The following KCNMB2 variants were observed in gnomAD, a reference collection of about 807,000 sequenced individuals.
KCNMB2 encodes the protein potassium calcium-activated channel subfamily M regulatory beta subunit 2.
A neutral mutation model predicts 24.5 loss-of-function variants in KCNMB2; 9 were observed. The ratio of observed to expected loss-of-function variants is 0.37; its 90% confidence interval spans 0.22 to 0.64. The LOEUF (loss-of-function observed/expected upper bound fraction) is 0.64, where lower values mean the gene tolerates loss of function less well. Among genes scored for constraint, KCNMB2 ranks in the 30% least tolerant of loss-of-function variants. The probability of loss-of-function intolerance (pLI) is 0.63; values close to 1 mark genes in which losing one functional copy is unlikely to be tolerated. For missense variants in KCNMB2, 226 were observed against 284.3 expected, an observed-to-expected ratio of 0.79 and a Z score of 1.47; for synonymous variants, 109 against 104.4, an observed-to-expected ratio of 1.04 and a Z score of -0.27.
chr3:178,770,898 CTT>C (rs1159359036), intron 1 of KCNMB2, among the ~76,000 whole-genome samples: 7 of 152,118 alleles, frequency 4.6e-5, no homozygotes, highest in Non-Finnish European at 1.0e-4. Context: ...CTTTTTGACT[CTT>C]AGCTTTTATG....
rs536983233 is a variant in KCNMB2, at chr3:178,688,689, CT to C, written c.-67-118645del. ...CTAAAGATAGACTATCTAGTGTTTG[CT>C]TTTTTTTTAACCATTGAGTTTCTAG... On this transcript the variant is annotated intron_variant, in intron 1 of 4. Coordinates refer to ENST00000452583, the MANE Select transcript of KCNMB2 (RefSeq NM_181361.3). Among the ~76,000 whole-genome samples the C allele has an allele frequency of 1.1e-4, 16 of 151,090 alleles. No homozygotes were observed. In the South Asian group the frequency reaches 2.1e-3, roughly 20 times the overall value.
chr3:178,753,636 T>C (rs1422531672), intron 1 of KCNMB2, among the ~76,000 whole-genome samples: 2 of 152,128 alleles, frequency 1.3e-5, no homozygotes, highest in African/African-American at 2.4e-5. Flanking sequence ...GAAAATTAGA[T>C]GGAATATAGA....
At chr3:178,704,219 C>A (rs2108343816) in intron 1 of KCNMB2, among the ~76,000 whole-genome samples, 1 of 152,098 alleles carries the variant, frequency 6.6e-6, no homozygotes, top group South Asian at 2.1e-4. Context: ...CACTCCCAAA[C>A]AAACATTTTC....
At chr3:178,639,937 G>A (rs1001694533) in intron 1 of KCNMB2, among the ~76,000 whole-genome samples, 3 of 152,168 alleles carry the variant, frequency 2.0e-5, no homozygotes, top group African/African-American at 7.2e-5. Flanking sequence ...GTGTGAGCAT[G>A]TATTAACCTC....
intron 1 of KCNMB2, among the ~76,000 whole-genome samples, chr3:178,783,871 A>T (rs1450136324): frequency 6.6e-6 from 1 of 152,164 alleles, no homozygotes; most frequent in Non-Finnish European, 1.5e-5. Flanking sequence ...GTCTTGTGCC[A>T]GTTTTCAAAG....
chr3:178,675,474 G>C (rs1721040084), intron 1 of KCNMB2, among the ~76,000 whole-genome samples: 1 of 152,150 alleles, frequency 6.6e-6, no homozygotes, highest in Non-Finnish European at 1.5e-5. Context: ...TGTCAGAACT[G>C]CTGACACACC....
chr3:178,611,124 C>T (rs1263200532), intron 1 of KCNMB2, among the ~76,000 whole-genome samples: 3 of 152,140 alleles, frequency 2.0e-5, no homozygotes, highest in Non-Finnish European at 4.4e-5. Flanking sequence ...CTTTTCTTTA[C>T]TGGGAGACTT....
chr3:178,646,177 T>G (rs1318108953), intron 1 of KCNMB2, among the ~76,000 whole-genome samples: 2 of 152,160 alleles, frequency 1.3e-5, no homozygotes, highest in Non-Finnish European at 1.5e-5. Flanking sequence ...TGTCCCTGCC[T>G]AGATGATAGT....
intron 4 of KCNMB2, among the ~76,000 whole-genome samples, chr3:178,840,663 C>T (rs1202342873): frequency 6.6e-6 from 1 of 152,256 alleles, no homozygotes; most frequent in Non-Finnish European, 1.5e-5. Context: ...CTTGCACCCT[C>T]TGAAGCAATG....
chr3:178,753,570 A>G (rs961027420), intron 1 of KCNMB2, among the ~76,000 whole-genome samples: 8 of 152,126 alleles, frequency 5.3e-5, no homozygotes, highest in Non-Finnish European at 1.2e-4. Flanking sequence ...TAAAATGGCC[A>G]AGGGAGTTAT....
At chr3:178,718,390 C>G (rs1342275751) in intron 1 of KCNMB2, among the ~76,000 whole-genome samples, 2 of 152,172 alleles carry the variant, frequency 1.3e-5, no homozygotes, top group Non-Finnish European at 2.9e-5. Context: ...TGTATGTATG[C>G]ATGTGTCTAG....
At chr3:178,679,052 G>GTTT (rs1560162644) in intron 1 of KCNMB2, among the ~76,000 whole-genome samples, 1,566 of 81,136 alleles carry the variant, frequency 0.019, 24 homozygotes, top group African/African-American at 0.085. Flanking sequence ...TTTTTGTTTT[G>GTTT]TTTTTGTTTT....
intron 1 of KCNMB2, among the ~76,000 whole-genome samples, chr3:178,609,094 T>G (rs1221592787): frequency 6.6e-6 from 1 of 152,184 alleles, no homozygotes; most frequent in Non-Finnish European, 1.5e-5. Flanking sequence ...TTTTACTAAT[T>G]TACATTCCCA....
intron 1 of KCNMB2, among the ~76,000 whole-genome samples, chr3:178,733,378 G>A (rs1362343045): frequency 6.6e-6 from 1 of 152,168 alleles, no homozygotes. Flanking sequence ...GGACATCATA[G>A]GCCTTTGTAA....
chr3:178,540,891 A>T (rs1233690662), intron 1 of KCNMB2, among the ~76,000 whole-genome samples: 1 of 152,198 alleles, frequency 6.6e-6, no homozygotes, highest in African/African-American at 2.4e-5. Context: ...TGAAAGCAGG[A>T]ATTTTTATTT....
intron 1 of KCNMB2, among the ~76,000 whole-genome samples, chr3:178,603,849 G>A (rs1718181350): frequency 6.6e-6 from 1 of 152,090 alleles, no homozygotes; most frequent in African/African-American, 2.4e-5. Flanking sequence ...TCATGTCTAG[G>A]GGAAAGCAAC....
chr3:178,757,018 C>T (rs899116136), intron 1 of KCNMB2: 22 of 151,552 alleles, frequency 1.5e-4, no homozygotes, highest in African/African-American at 5.3e-4. Context: ...AAAAAAAATT[C>T]TTGGAAATAT....
chr3:178,822,006 A>G (rs914784302), intron 2 of KCNMB2, among the ~76,000 whole-genome samples: 3 of 152,154 alleles, frequency 2.0e-5, no homozygotes, highest in African/African-American at 7.2e-5. Flanking sequence ...CAGAGTGATC[A>G]TTTTGAAACT....
In KCNMB2 at chr3:178,721,186, C is replaced by T. The variant is rs1011273235; in HGVS notation, c.-67-86157C>T. On this transcript the variant is annotated intron_variant, in intron 1 of 4. Transcript: ENST00000452583. ...AGGAAGGGATCCAGTTTCAGCTTTC[C>T]ACATATGGCTAGCCAGTTTTCCCAG... Among the ~76,000 whole-genome samples, 4 of 151,894 alleles carry T rather than the reference C, an allele frequency of 2.6e-5. No homozygotes were observed. In the East Asian group the frequency reaches 7.7e-4, roughly 29 times the overall value.
Sources: allele counts gnomAD v4.1 joint callset (sites outside exome capture counted in the v4.1 genomes callset), GRCh38; gene constraint gnomAD v4.1.1; transcripts MANE v1.5; gene names NCBI Gene and HGNC (gene_info 2026-07-23, HGNC 2026-07-21).